ITPR2: variants seen among roughly 807,000 people sequenced by gnomAD.
ITPR2 encodes inositol 1,4,5-trisphosphate-gated calcium channel ITPR2.
A neutral mutation model predicts 317.1 loss-of-function variants in ITPR2; 207 were observed. The observed-to-expected ratio is 0.65, with a 90% CI of 0.58 to 0.73. ITPR2 has a LOEUF of 0.73. Among genes scored for constraint, ITPR2 ranks in the 30% least tolerant of loss-of-function variants. The pLI, the probability that ITPR2 is intolerant of heterozygous loss-of-function variation, is 0.00. For missense variants in ITPR2, 2,613 were observed against 3,284.0 expected (o/e 0.80, Z 4.99); for synonymous variants, 1,156 against 1,149.1 (o/e 1.01, Z -0.12).
At chr12:26,800,735 G>A (rs1950541790) in intron 1 of ITPR2, 1 of 152,196 alleles carries the variant, frequency 6.6e-6, no homozygotes, top group Admixed American at 6.5e-5. Context: ...ATAATTTCTT[G>A]GAATGAAGCA....
intron 54 of ITPR2, among the ~76,000 whole-genome samples, chr12:26,391,863 G>C (rs1366525033): frequency 6.6e-6 from 1 of 151,940 alleles, no homozygotes; most frequent in Non-Finnish European, 1.5e-5. Context: ...ACCGTGCCCG[G>C]CCTATTCTGA....
chr12:26,660,851 A>T (rs1390905398), intron 15 of ITPR2, among the ~76,000 whole-genome samples: 1 of 152,086 alleles, frequency 6.6e-6, no homozygotes, highest in Non-Finnish European at 1.5e-5. Context: ...TCAATATTAA[A>T]TATATGGGTG....
chr12:26,415,503 A>G lies in ITPR2; in HGVS notation c.7111-5T>C, dbSNP rs1940694339. The G allele has an allele frequency of 6.6e-7, 1 of 1,525,216 alleles. No individual in the cohort carries two copies. Among genetic ancestry groups the G allele is most frequent in the Non-Finnish European group, 8.8e-7 (1 of 1,139,346 alleles). The allele number at this position is 1,525,216 out of a possible 1,614,324, so 94.5% of individuals were successfully genotyped here. On this transcript the variant is annotated splice_polypyrimidine_tract_variant and splice_region_variant and intron_variant, in intron 50 of 56. Transcript: ENST00000381340. ...CCTGTACACCAAATCAAAAAGCTAC[A>G]AAGATAAAGAAAACACTAATAAGAA... is the stretch of plus-strand genomic sequence containing the variant.
intron 45 of ITPR2, among the ~76,000 whole-genome samples, chr12:26,473,584 C>G (rs1942344205): frequency 6.6e-6 from 1 of 152,198 alleles, no homozygotes; most frequent in Admixed American, 6.5e-5. Flanking sequence ...GCCTTTTTGA[C>G]CTTGCTTGTC....
Position 26,715,450 on chromosome 12 carries a change from C to A in ITPR2, c.709-5G>T. On this transcript the variant is annotated splice_region_variant and splice_polypyrimidine_tract_variant and intron_variant, in intron 7 of 56. Transcript: ENST00000381340. Reference sequence around the variant, plus strand: ...AAATAATCTAACAACGTCCCCCTAGCAAAAAGGTCAAGAGACATCTGAACA... The same window carrying A: ...AAATAATCTAACAACGTCCCCCTAGAAAAAAGGTCAAGAGACATCTGAACA... 1 of 1,610,336 alleles carries A rather than the reference C, an allele frequency of 6.2e-7. No individual in the cohort carries two copies. Among genetic ancestry groups the A allele is most frequent in the South Asian group, 1.1e-5 (1 of 90,654 alleles).
intron 49 of ITPR2, 57 bp downstream of exon 49, chr12:26,427,855 TA>T: frequency 8.9e-7 from 1 of 1,125,822 alleles, no homozygotes; most frequent in Middle Eastern, 2.2e-4. Context: ...TATATTTTTA[TA>T]TTTCATACAC....
intron 30 of ITPR2, among the ~76,000 whole-genome samples, chr12:26,597,916 A>G (rs987491786): frequency 6.6e-5 from 10 of 152,188 alleles, no homozygotes; most frequent in African/African-American, 2.4e-4. Context: ...TTAAAGTGAC[A>G]ATATATTTAA....
chr12:26,495,476 G>T, intron 37 of ITPR2: 1 of 466,386 alleles, frequency 2.1e-6, no homozygotes, highest in South Asian at 2.7e-5. Context: ...GGTGGGAGAA[G>T]CTTTTTGGAG....
At chr12:26,418,551 CA>C (rs1296630677) in intron 50 of ITPR2, among the ~76,000 whole-genome samples, 1 of 151,934 alleles carries the variant, frequency 6.6e-6, no homozygotes, top group Non-Finnish European at 1.5e-5. Flanking sequence ...CATATTAAAC[CA>C]AAAACTATAA....
intron 45 of ITPR2, among the ~76,000 whole-genome samples, chr12:26,470,960 A>C (rs1942278769): frequency 6.6e-6 from 1 of 152,230 alleles, no homozygotes; most frequent in African/African-American, 2.4e-5. Flanking sequence ...CAAATGAAGA[A>C]CAATTATGTA....
intron 55 of ITPR2, among the ~76,000 whole-genome samples, chr12:26,358,851 C>T (rs1307345519): frequency 6.6e-6 from 1 of 152,176 alleles, no homozygotes; most frequent in Non-Finnish European, 1.5e-5. Flanking sequence ...GGTTTTCTGC[C>T]ATGTCCAATC....
intron 9 of ITPR2, among the ~76,000 whole-genome samples, chr12:26,707,897 CA>C (rs11362693): frequency 0.48 from 69,581 of 146,312 alleles, 16,484 homozygotes; most frequent in South Asian, 0.5. Flanking sequence ...ACTCAACAGA[CA>C]AAAAAAAAAA....
At chr12:26,734,532 A>T (rs1278008490) in intron 2 of ITPR2, among the ~76,000 whole-genome samples, 2 of 152,222 alleles carry the variant, frequency 1.3e-5, no homozygotes, top group African/African-American at 4.8e-5. Flanking sequence ...ATAGGTGAAC[A>T]ATTAAACTAT....
At chr12:26,392,814 C>T (rs1294201824) in intron 54 of ITPR2, among the ~76,000 whole-genome samples, 1 of 152,196 alleles carries the variant, frequency 6.6e-6, no homozygotes, top group Non-Finnish European at 1.5e-5. Context: ...ATACCCTATC[C>T]TTAGAATAGG....
At chr12:26,398,770 T>A in intron 54 of ITPR2, 106 bp downstream of exon 54, 1 of 928,458 alleles carries the variant, frequency 1.1e-6, no homozygotes, top group Non-Finnish European at 1.6e-6. Flanking sequence ...CCAACCTTCA[T>A]TTTGAAATAA....
At chr12:26,345,962 G>A (rs961289448) in intron 55 of ITPR2, among the ~76,000 whole-genome samples, 14 of 152,168 alleles carry the variant, frequency 9.2e-5, no homozygotes, top group African/African-American at 3.1e-4. Flanking sequence ...TAGATTCCCA[G>A]GATGACTTTG....
chr12:26,832,151 G>A (rs1280039018), intron 1 of ITPR2, among the ~76,000 whole-genome samples: 2 of 152,052 alleles, frequency 1.3e-5, no homozygotes, highest in Non-Finnish European at 1.5e-5. Context: ...AAGGCCAAAA[G>A]GAAACTGCTC....
At chr12:26,359,149 T>A (rs1379108701) in intron 55 of ITPR2, among the ~76,000 whole-genome samples, 1 of 152,240 alleles carries the variant, frequency 6.6e-6, no homozygotes, top group Non-Finnish European at 1.5e-5. Context: ...GTCAGGCGCA[T>A]AGCAGGCTTT....
intron 1 of ITPR2, among the ~76,000 whole-genome samples, chr12:26,814,206 A>G (rs539083688): frequency 6.6e-6 from 1 of 152,330 alleles, no homozygotes; most frequent in East Asian, 1.9e-4. Flanking sequence ...GCGCAAGGGC[A>G]GGACTAATGC....
Sources: gnomAD v4.1 joint callset for allele counts (sites outside exome capture counted in the v4.1 genomes callset) on GRCh38, gnomAD v4.1.1 for gene constraint, MANE v1.5 for transcripts, NCBI Gene and HGNC (gene_info 2026-07-23, HGNC 2026-07-21) for gene names.